The following TMEM108 variants were observed in gnomAD, a reference collection of about 807,000 sequenced individuals.
TMEM108 encodes the protein transmembrane protein 108.
A neutral mutation model predicts 35.1 loss-of-function variants in TMEM108; 12 were observed. The observed-to-expected ratio is 0.34, with a 90% CI of 0.22 to 0.55. TMEM108 has a LOEUF of 0.55. Among genes scored for constraint, TMEM108 ranks in the 20% least tolerant of loss-of-function variants. TMEM108 has a pLI of 0.89. For synonymous variants in TMEM108, 287 were observed against 308.6 expected (o/e 0.93, Z 0.73); for missense variants, 680 against 753.3 (o/e 0.90, Z 1.14).
intron 3 of TMEM108, among the ~76,000 whole-genome samples, chr3:133,347,195 G>A (rs1164005641): frequency 2.6e-5 from 4 of 152,042 alleles, no homozygotes; most frequent in Non-Finnish European, 2.9e-5. Flanking sequence ...TTTTTATTGA[G>A]ATTTTGTTGA....
chr3:133,289,818 C>T (rs1029320158), intron 3 of TMEM108, among the ~76,000 whole-genome samples: 1 of 152,104 alleles, frequency 6.6e-6, no homozygotes, highest in South Asian at 2.1e-4. Flanking sequence ...GAATCAAAAA[C>T]ATTTGGGAAT....
chr3:133,198,866 GAAACACTCCTGCAGAGTGTTTTCC>G (rs1245802794), intron 2 of TMEM108, among the ~76,000 whole-genome samples: 1 of 152,098 alleles, frequency 6.6e-6, no homozygotes, highest in Non-Finnish European at 1.5e-5. Context: ...TCCAGGAGTG[GAAACACTCCTGCAGAGTGTTTTCC>G]AACTTGGTTC....
rs971893374 is a variant in TMEM108, at chr3:133,396,078, C to A, written c.*92C>A. On this transcript the variant is annotated 3_prime_UTR_variant, in exon 6 of 6. Transcript: ENST00000321871. The stretch of plus-strand genomic sequence containing the variant: ...TATTATAAATATAACCTTTGTGTAA[C>A]CCTGACTTAATGAGAAACATTTTCA... The A allele has an allele frequency of 1.4e-4, 140 of 967,048 alleles. No individual in the cohort carries two copies. Among genetic ancestry groups the A allele is most frequent in the Non-Finnish European group, 1.8e-4 (136 of 759,230 alleles). 59.9% of individuals were successfully genotyped at this position (967,048 alleles called of 1,614,324 possible).
intron 2 of TMEM108, among the ~76,000 whole-genome samples, chr3:133,060,964 T>A (rs556529143): frequency 6.6e-6 from 1 of 152,314 alleles, no homozygotes; most frequent in South Asian, 2.1e-4. Context: ...TTTTTTTAAA[T>A]GATGTAGTAG....
At chr3:133,249,776 G>A (rs1946441377) in intron 3 of TMEM108, among the ~76,000 whole-genome samples, 1 of 152,054 alleles carries the variant, frequency 6.6e-6, no homozygotes, top group African/African-American at 2.4e-5. Context: ...AACATATAAA[G>A]TACCATAATT....
intron 2 of TMEM108, among the ~76,000 whole-genome samples, chr3:133,142,128 C>A (rs115895212): frequency 5.7e-4 from 86 of 152,210 alleles, no homozygotes; most frequent in African/African-American, 2.0e-3. Flanking sequence ...GCAAAATTGT[C>A]CCCAGTTAAG....
chr3:133,072,205 A>T (rs1943684260), intron 2 of TMEM108, among the ~76,000 whole-genome samples: 1 of 152,126 alleles, frequency 6.6e-6, no homozygotes, highest in Non-Finnish European at 1.5e-5. Context: ...TGGGAAAGAG[A>T]TCCCTGCAAA....
At chr3:133,260,484 G>C (rs1441089246) in intron 3 of TMEM108, among the ~76,000 whole-genome samples, 1 of 152,138 alleles carries the variant, frequency 6.6e-6, no homozygotes, top group East Asian at 1.9e-4. Flanking sequence ...AAGAACAGCA[G>C]AGGTAAAGGC....
chr3:133,275,689 C>T (rs375666058), intron 3 of TMEM108, among the ~76,000 whole-genome samples: 3 of 152,136 alleles, frequency 2.0e-5, no homozygotes. Context: ...GGATCTGGAG[C>T]AGCACTCCAT....
chr3:133,228,560 G>A (rs1247373847), intron 2 of TMEM108, among the ~76,000 whole-genome samples: 1 of 152,040 alleles, frequency 6.6e-6, no homozygotes, highest in Non-Finnish European at 1.5e-5. Context: ...AAATAAAATT[G>A]TAAAGTAATA....
intron 2 of TMEM108, among the ~76,000 whole-genome samples, chr3:133,109,732 C>T (rs1013603936): frequency 3.3e-5 from 5 of 152,136 alleles, no homozygotes; most frequent in Admixed American, 1.3e-4. Context: ...TCATTGCATG[C>T]GTTGACAGTG....
At chr3:133,180,531 A>G (rs1244298986) in intron 2 of TMEM108, among the ~76,000 whole-genome samples, 1 of 152,118 alleles carries the variant, frequency 6.6e-6, no homozygotes, top group African/African-American at 2.4e-5. Context: ...GTTCCCCAGA[A>G]GCAAATAGCT....
chr3:133,181,621 A>T (rs1208206669), intron 2 of TMEM108, among the ~76,000 whole-genome samples: 4 of 152,210 alleles, frequency 2.6e-5, no homozygotes, highest in Non-Finnish European at 5.9e-5. Flanking sequence ...ATTTTCAGGC[A>T]CATTTAAATG....
chr3:133,163,410 T>C (rs80211523), intron 2 of TMEM108, among the ~76,000 whole-genome samples: 11,076 of 152,304 alleles, frequency 0.073, 533 homozygotes, highest in East Asian at 0.18. Context: ...AACCAACTTA[T>C]GCCACTGAAG....
chr3:133,154,038 G>A (rs1263979468), intron 2 of TMEM108, among the ~76,000 whole-genome samples: 2 of 144,534 alleles, frequency 1.4e-5, no homozygotes, highest in African/African-American at 2.6e-5. Flanking sequence ...TTTTTTTTTC[G>A]TTTTTTAAAA....
At chr3:133,259,166 G>A (rs183509152) in intron 3 of TMEM108, among the ~76,000 whole-genome samples, 117 of 152,264 alleles carry the variant, frequency 7.7e-4, no homozygotes, top group African/African-American at 1.9e-3. Context: ...GTTTCACTTC[G>A]TACTTTAATA....
At chr3:133,373,391 TAGATAGATA>T in intron 3 of TMEM108, among the ~76,000 whole-genome samples, 2 of 34,530 alleles carry the variant, frequency 5.8e-5, no homozygotes, top group African/African-American at 1.9e-4. Flanking sequence ...AGATGATAGA[TAGATAGATA>T]GATAGATAGA....
intron 2 of TMEM108, among the ~76,000 whole-genome samples, chr3:133,198,389 A>G (rs1183033796): frequency 6.6e-6 from 1 of 152,198 alleles, no homozygotes; most frequent in Non-Finnish European, 1.5e-5. Context: ...ATATGGTAAG[A>G]GTGTGAACAA....
chr3:133,340,184 T>A (rs2071618712), intron 3 of TMEM108, among the ~76,000 whole-genome samples: 1 of 150,392 alleles, frequency 6.6e-6, no homozygotes, highest in Non-Finnish European at 1.5e-5. Flanking sequence ...AAAATAAAAT[T>A]GACAAACCTT....
Sources: allele counts gnomAD v4.1 joint callset (sites outside exome capture counted in the v4.1 genomes callset), GRCh38; gene constraint gnomAD v4.1.1; transcripts MANE v1.5; gene names NCBI Gene and HGNC (gene_info 2026-07-23, HGNC 2026-07-21).